NBAS: variants seen among roughly 807,000 people sequenced by gnomAD.
NBAS encodes the protein NAG/BC035112 fusion.
NBAS carries 219 observed loss-of-function variants against 302.5 expected under a neutral mutation model. The observed-to-expected ratio is 0.72, with a 90% CI of 0.65 to 0.81. NBAS has a LOEUF of 0.81. Ranked by LOEUF, NBAS falls within the 30% of genes least tolerant of loss-of-function variation. The pLI is 0.00. For synonymous variants in NBAS, 1,118 were observed against 1,021.6 expected (o/e 1.09, Z -1.80); for missense variants, 2,932 against 2,841.6 (o/e 1.03, Z -0.72).
At chr2:15,539,074 T>A in intron 7 of NBAS, 149 bp downstream of exon 7, 1 of 1,061,142 alleles carries the variant, frequency 9.4e-7, no homozygotes, top group Non-Finnish European at 1.4e-6. Context: ...TGCATACAGA[T>A]TTCTAACTAG....
the NBAS span, among the ~76,000 whole-genome samples, chr2:14,856,490 A>G: frequency 1.1e-3 from 163 of 152,324 alleles, no homozygotes; most frequent in African/African-American, 3.8e-3. Flanking sequence ...AAAGAGAGAC[A>G]TGCAACTTTT....
chr2:15,210,242 A>C (rs1252325158), intron 48 of NBAS, among the ~76,000 whole-genome samples: 1 of 152,208 alleles, frequency 6.6e-6, no homozygotes, highest in Non-Finnish European at 1.5e-5. Flanking sequence ...AGGGATTAAA[A>C]ACCAGAATAT....
the NBAS span, among the ~76,000 whole-genome samples, chr2:14,888,448 GCC>G: frequency 1.3e-5 from 2 of 149,290 alleles, no homozygotes; most frequent in African/African-American, 5.0e-5. Context: ...ACGGCACCCG[GCC>G]CCCCCTTTTT....
rs181601986 is a variant in NBAS, at chr2:15,194,086, C to A, written c.6433-3683G>T. 8.6e-5 allele frequency among the ~76,000 whole-genome samples: 13 copies of A among 151,758 alleles called. No homozygotes were observed. The East Asian group carries it at 2.3e-3, about 27-fold the overall frequency. Reference sequence around the variant, plus strand: ...AGAAACAGACCAGAGCTCAAGCAGACCCATTTGCAGTCAGAATCCCACAAG... The same window carrying A: ...AGAAACAGACCAGAGCTCAAGCAGAACCATTTGCAGTCAGAATCCCACAAG... On this transcript the variant is annotated intron_variant, in intron 48 of 51. Transcript: ENST00000281513.
the NBAS span, among the ~76,000 whole-genome samples, chr2:14,981,073 AC>A: frequency 6.6e-6 from 1 of 151,558 alleles, no homozygotes; most frequent in Non-Finnish European, 1.5e-5. Context: ...GGAAAAAAAA[AC>A]AGAAGAAAAA....
At chr2:14,906,674 A>C in the NBAS span, among the ~76,000 whole-genome samples, 6 of 152,168 alleles carry the variant, frequency 3.9e-5, no homozygotes, top group Non-Finnish European at 8.8e-5. Flanking sequence ...GTCCCACCAG[A>C]ATCTGGGGCA....
In NBAS at chr2:15,543,626, A is replaced by G. The variant is rs115863453; in HGVS notation, c.380-4270T>C. 4.8e-3 allele frequency among the ~76,000 whole-genome samples: 726 copies of G among 152,354 alleles called. 8 individuals carry two copies. Among genetic ancestry groups the G allele is most frequent in the African/African-American group, 0.016 (674 of 41,586 alleles). On this transcript the variant is annotated intron_variant, in intron 6 of 51. Coordinates refer to ENST00000281513, the MANE Select transcript of NBAS (RefSeq NM_015909.4). Reference sequence around the variant, plus strand: ...CCATCGTGCATGGATGGCCTCAGGCAAAGAGAATGAGGAAGATGCAAAAGC... The same window carrying G: ...CCATCGTGCATGGATGGCCTCAGGCGAAGAGAATGAGGAAGATGCAAAAGC...
At chr2:15,202,483 G>A (rs1665924225) in intron 48 of NBAS, among the ~76,000 whole-genome samples, 1 of 152,008 alleles carries the variant, frequency 6.6e-6, no homozygotes, top group Admixed American at 6.6e-5. Context: ...CAATCATATA[G>A]TGCCATGTGA....
At position 15,270,664 on chromosome 2, in the gene NBAS, AT is replaced by A. The variant is rs556019048; in HGVS notation, c.5724+4819del. Among the ~76,000 whole-genome samples, 11 of 152,318 alleles carry A rather than the reference AT, an allele frequency of 7.2e-5. No individual in the cohort carries two copies. In the South Asian group the frequency reaches 1.5e-3, roughly 20 times the overall value. ...TGTGCTAGGACATAGGAAATAAGAG[AT>A]AAAAGGCACCATCCCTGTCCTCAAA... On this transcript the variant is annotated intron_variant, in intron 44 of 51. Transcript: ENST00000281513.
chr2:14,962,468 C>T, the NBAS span, among the ~76,000 whole-genome samples: 1 of 152,070 alleles, frequency 6.6e-6, no homozygotes, highest in East Asian at 1.9e-4. Context: ...AAGAATCTAC[C>T]CAGATTCTCT....
the NBAS span, among the ~76,000 whole-genome samples, chr2:14,856,756 G>C: frequency 0.21 from 31,791 of 151,728 alleles, 5,340 homozygotes; most frequent in African/African-American, 0.47. Flanking sequence ...AATACACAGA[G>C]GAGACAAAAG....
rs1186117568 is a variant in NBAS, at chr2:15,553,415, T to A, written c.335+11A>T. ...AAGGAAATCTTGAATATGAATAATA[T>A]TAACAATTACCTGATTTCCACACAC... On this transcript the variant is annotated intron_variant, in intron 5 of 51. Coordinates refer to ENST00000281513, the MANE Select transcript of NBAS (RefSeq NM_015909.4). 2.5e-6 allele frequency: 4 copies of A among 1,598,094 alleles called. No individual in the cohort carries two copies. In the African/African-American group the frequency reaches 5.4e-5, roughly 21 times the overall value.
At chr2:14,892,462 C>T in the NBAS span, among the ~76,000 whole-genome samples, 1 of 152,170 alleles carries the variant, frequency 6.6e-6, no homozygotes, top group Non-Finnish European at 1.5e-5. Flanking sequence ...TGTCCGACAA[C>T]TAATTTTCTG....
the NBAS span, among the ~76,000 whole-genome samples, chr2:14,824,792 G>A: frequency 6.6e-6 from 1 of 152,092 alleles, no homozygotes; most frequent in Non-Finnish European, 1.5e-5. Context: ...AGTAGAACCT[G>A]AGTTCATGTT....
At chr2:15,553,111 T>C (rs1290265905) in intron 5 of NBAS, among the ~76,000 whole-genome samples, 4 of 152,176 alleles carry the variant, frequency 2.6e-5, no homozygotes, top group African/African-American at 9.7e-5. Flanking sequence ...AGTTTCTGTT[T>C]AGCTAATATA....
intron 1 of NBAS, among the ~76,000 whole-genome samples, chr2:15,559,740 AAC>A (rs1055272814): frequency 1.3e-5 from 2 of 152,140 alleles, no homozygotes; most frequent in Non-Finnish European, 2.9e-5. Context: ...CCAACACACA[AAC>A]ACAAAACAAA....
chr2:15,205,100 G>C (rs1666078447), intron 48 of NBAS, among the ~76,000 whole-genome samples: 2 of 151,930 alleles, frequency 1.3e-5, no homozygotes, highest in Admixed American at 1.3e-4. Context: ...AAAAAGCCAG[G>C]GAATGAAGTT....
chr2:15,436,772 T>G (rs1000482204), intron 21 of NBAS, among the ~76,000 whole-genome samples: 1 of 152,216 alleles, frequency 6.6e-6, no homozygotes, highest in Non-Finnish European at 1.5e-5. Context: ...GTCATTGCAC[T>G]GAATTATAAT....
At chr2:15,308,668 T>C (rs561404443) in intron 39 of NBAS, among the ~76,000 whole-genome samples, 6 of 152,324 alleles carry the variant, frequency 3.9e-5, no homozygotes, top group South Asian at 2.1e-4. Flanking sequence ...TCCTGCCTAA[T>C]TGCCCTGGCC....
Sources: allele counts gnomAD v4.1 joint callset (sites outside exome capture counted in the v4.1 genomes callset), GRCh38; gene constraint gnomAD v4.1.1; transcripts MANE v1.5; gene names NCBI Gene and HGNC (gene_info 2026-07-23, HGNC 2026-07-21).